Variants in CLSTN1 observed in about 807,000 individuals in gnomAD.
CLSTN1 encodes the protein calsyntenin 1.
A neutral mutation model predicts 108.3 loss-of-function variants in CLSTN1; 28 were observed. That is an observed-to-expected ratio of 0.26 (90% CI 0.19 to 0.35). The LOEUF (loss-of-function observed/expected upper bound fraction) is 0.35, where lower values mean the gene tolerates loss of function less well. Among genes scored for constraint, CLSTN1 ranks in the 10% least tolerant of loss-of-function variants. The pLI, the probability that CLSTN1 is intolerant of heterozygous loss-of-function variation, is 1.00. For synonymous variants in CLSTN1, 524 were observed against 534.9 expected, an observed-to-expected ratio of 0.98 and a Z score of 0.28; for missense variants, 1,157 against 1,302.6, an observed-to-expected ratio of 0.89 and a Z score of 1.72.
At chr1:9,757,000 G>A (rs1334630646) in intron 2 of CLSTN1, among the ~76,000 whole-genome samples, 1 of 151,654 alleles carries the variant, frequency 6.6e-6, no homozygotes, top group East Asian at 2.0e-4. Flanking sequence ...GGATGGTCTC[G>A]ATCTCCTGAC....
At chr1:9,760,398 G>A (rs1414245637) in intron 2 of CLSTN1, among the ~76,000 whole-genome samples, 14 of 152,146 alleles carry the variant, frequency 9.2e-5, no homozygotes, top group Admixed American at 9.2e-4. Flanking sequence ...AGAGCCTGCT[G>A]AGCCATCTGC....
chr1:9,802,729 C>T (rs1237987996), intron 1 of CLSTN1, among the ~76,000 whole-genome samples: 1 of 151,980 alleles, frequency 6.6e-6, no homozygotes, highest in Non-Finnish European at 1.5e-5. Flanking sequence ...CTTGTTTCCT[C>T]TTTGGTAAAA....
chr1:9,795,182 T>C (rs1253979110), intron 1 of CLSTN1, among the ~76,000 whole-genome samples: 1 of 150,300 alleles, frequency 6.7e-6, no homozygotes, highest in Non-Finnish European at 1.5e-5. Flanking sequence ...TTTTTTTTTT[T>C]GAGGTGGAGT....
intron 2 of CLSTN1, among the ~76,000 whole-genome samples, chr1:9,759,911 G>A (rs965956299): frequency 1.3e-5 from 2 of 152,206 alleles, no homozygotes; most frequent in African/African-American, 2.4e-5. Flanking sequence ...AATTTAGGTT[G>A]CCCAGCTTTA....
At chr1:9,749,155 C>T (rs763882194) in intron 7 of CLSTN1, among the ~76,000 whole-genome samples, 1 of 152,114 alleles carries the variant, frequency 6.6e-6, no homozygotes, top group African/African-American at 2.4e-5. Context: ...CTTCCCACCT[C>T]GGCCTCCTAA....
Position 9,781,219 on chromosome 1 carries a change from T to G in CLSTN1, c.92-7825A>C. On this transcript the variant is annotated intron_variant, in intron 1 of 18. Transcript: ENST00000377298. Reference sequence around the variant, plus strand: ...GCAAGGCTACTGAAGCACTAAAGGCTGCTGAAAATATGACAAGCTGATTTT... The same window carrying G: ...GCAAGGCTACTGAAGCACTAAAGGCGGCTGAAAATATGACAAGCTGATTTT... 3.9e-6 allele frequency: 3 copies of G among 770,142 alleles called. No individual in the cohort carries two copies. The East Asian group carries it at 7.5e-5, about 19-fold the overall frequency. 47.7% of individuals were successfully genotyped at this position (770,142 alleles called of 1,614,324 possible). A position where few individuals can be genotyped will look rare whatever the true frequency, so the allele number is the denominator to read the frequency against.
chr1:9,740,337 G>A (rs1650915516), intron 10 of CLSTN1, among the ~76,000 whole-genome samples: 1 of 152,210 alleles, frequency 6.6e-6, no homozygotes, highest in Non-Finnish European at 1.5e-5. Context: ...TGGGATTATA[G>A]GTGTGAGACA....
In CLSTN1 at chr1:9,735,489, G is replaced by C. The variant is rs200412650; in HGVS notation, c.1861C>G (p.Leu621Val). Residue 621 changes from leucine to valine, a missense_variant, in exon 13 of 19, where the codon CTC becomes GTC. Physicochemically the swap from Leu to Val is conservative, Grantham distance 32. Coordinates refer to ENST00000377298, the MANE Select transcript of CLSTN1 (RefSeq NM_001009566.3). ...TACTTGATTGTGCTGGTGATTTTGA[G>C]TCTGCGAATTCCGGGCGTGGGGAAC... ...RQFPTPGIRR[L>V]KITSTIKCFN... The C allele has an allele frequency of 6.2e-7, 1 of 1,614,194 alleles. No homozygotes were observed. Among genetic ancestry groups the C allele is most frequent in the African/African-American group, 1.3e-5 (1 of 75,050 alleles).
At chr1:9,757,540 C>T (rs1651879047) in intron 2 of CLSTN1, among the ~76,000 whole-genome samples, 1 of 152,104 alleles carries the variant, frequency 6.6e-6, no homozygotes, top group African/African-American at 2.4e-5. Context: ...CGCACCCAGC[C>T]GAACAAAAGG....
intron 2 of CLSTN1, among the ~76,000 whole-genome samples, chr1:9,763,673 A>G (rs990261999): frequency 6.6e-6 from 1 of 152,184 alleles, no homozygotes; most frequent in Non-Finnish European, 1.5e-5. Context: ...GGAAAACCCC[A>G]TGCATCCATT....
chr1:9,742,689 C>G (rs373036772), intron 9 of CLSTN1, among the ~76,000 whole-genome samples: 5 of 152,218 alleles, frequency 3.3e-5, no homozygotes, highest in African/African-American at 1.2e-4. Context: ...AAAAAATACA[C>G]CAATAAGAGA....
chr1:9,775,633 T>C (rs1167514945), intron 1 of CLSTN1, among the ~76,000 whole-genome samples: 1 of 152,174 alleles, frequency 6.6e-6, no homozygotes, highest in Non-Finnish European at 1.5e-5. Context: ...TATGTTCACC[T>C]TAAGAGGGTT....
At position 9,731,298 on chromosome 1, in the gene CLSTN1, G is replaced by A. The variant is rs1570428744; in HGVS notation, c.2656C>T (p.His886Tyr). ...ILGVFRIRAA[H>Y]RRTMRDQDTG... ...TCCTGATCCCGCATGGTCCGCCGAT[G>A]TGCGGCCCGGATCCGAAATACCCCC... The change falls in exon 18 of 19, where the codon CAT becomes TAT. Residue 886 changes from histidine (H) to tyrosine (Y), a missense_variant. Physicochemically the swap from His to Tyr is moderately conservative, Grantham distance 83. Transcript: ENST00000377298. 6.2e-7 allele frequency: 1 copy of A among 1,614,242 alleles called. No individual in the cohort carries two copies. The highest frequency in any genetic ancestry group is 1.1e-5 in the South Asian group (1 of 91,090).
intron 2 of CLSTN1, among the ~76,000 whole-genome samples, chr1:9,764,965 C>T (rs557759775): frequency 1.3e-5 from 2 of 152,126 alleles, no homozygotes; most frequent in African/African-American, 2.4e-5. Flanking sequence ...AAGTCAATCA[C>T]GGTTAATAAG....
rs1570537070 is a variant in CLSTN1, at chr1:9,823,769, G to A, written c.-36C>T. 1.0e-6 allele frequency: 1 copy of A among 989,424 alleles called. No individual in the cohort carries two copies. The allele number at this position is 989,424 out of a possible 1,614,324, so 61.3% of individuals were successfully genotyped here. On this transcript the variant is annotated 5_prime_UTR_variant, in exon 1 of 19. Transcript: ENST00000377298. The surrounding 1 kb of genome is among the most constrained non-coding windows in gnomAD (Gnocchi z 6.3). ...GGGCGGGAGCGGCAGGGAGGCGCGCGGGACGCCGAGCGGAGCTCTCGGAGC... is the reference window on the plus strand; with the variant it reads ...GGGCGGGAGCGGCAGGGAGGCGCGCAGGACGCCGAGCGGAGCTCTCGGAGC...
chr1:9,788,636 G>C (rs998773144), intron 1 of CLSTN1, among the ~76,000 whole-genome samples: 10 of 150,994 alleles, frequency 6.6e-5, no homozygotes, highest in African/African-American at 2.2e-4. Context: ...GGGAGGCCGA[G>C]GCAGGCGGAT....
At chr1:9,795,611 C>T (rs755380742) in intron 1 of CLSTN1, among the ~76,000 whole-genome samples, 9 of 151,174 alleles carry the variant, frequency 6.0e-5, no homozygotes, top group Non-Finnish European at 1.0e-4. Flanking sequence ...TTGGGGAAGA[C>T]ATGAAGGAAA....
Position 9,729,703 on chromosome 1 carries a change from G to A in CLSTN1, c.*805C>T, listed in dbSNP as rs1650232551. On this transcript the variant is annotated 3_prime_UTR_variant, in exon 19 of 19. Transcript: ENST00000377298. ...GAGGAGGAGTGTGGAAAAGGGGCCA[G>A]GGACCCCGCACCCCACACCAAATTA... 2 of 151,866 alleles carry A rather than the reference G, an allele frequency of 1.3e-5. No individual in the cohort carries two copies. The highest frequency in any genetic ancestry group is 4.9e-5 in the African/African-American group (2 of 40,838). The allele number at this position is 151,866 out of a possible 1,614,324, so 9.4% of individuals were successfully genotyped here.
At chr1:9,746,153 A>G (rs917168768) in intron 7 of CLSTN1, among the ~76,000 whole-genome samples, 2 of 152,124 alleles carry the variant, frequency 1.3e-5, no homozygotes, top group Non-Finnish European at 2.9e-5. Context: ...ACCTTTTCCT[A>G]TTATAAACCT....
Sources: gnomAD v4.1 joint callset for allele counts (sites outside exome capture counted in the v4.1 genomes callset) on GRCh38, gnomAD v4.1.1 for gene constraint, Gnocchi (gnomAD v3.1) non-coding constraint, MANE v1.5 for transcripts, NCBI Gene and HGNC (gene_info 2026-07-23, HGNC 2026-07-21) for gene names.